AFF1: variants seen among roughly 807,000 people sequenced by gnomAD.
AFF1 encodes AF4/FMR2 family member 1.
Under a neutral mutation model 121.7 loss-of-function variants are expected in AFF1, and 48 were observed. The observed-to-expected ratio is 0.39, with a 90% CI of 0.31 to 0.50. The LOEUF is 0.50. Ranked by LOEUF, AFF1 falls within the 20% of genes least tolerant of loss-of-function variation. The pLI is 0.76. For missense variants in AFF1, 1,523 were observed against 1,511.7 expected, an observed-to-expected ratio of 1.01 and a Z score of -0.12; for synonymous variants, 613 against 563.0, an observed-to-expected ratio of 1.09 and a Z score of -1.26.
intron 12 of AFF1, among the ~76,000 whole-genome samples, chr4:87,120,255 T>C (rs1402594550): frequency 6.6e-6 from 1 of 152,206 alleles, no homozygotes; most frequent in African/African-American, 2.4e-5. Context: ...TTGGTGTCCC[T>C]TGTGTCTTTT....
chr4:86,940,855 A>AGGTG (rs1720405022), intron 1 of AFF1, among the ~76,000 whole-genome samples: 1 of 151,618 alleles, frequency 6.6e-6, no homozygotes, highest in Non-Finnish European at 1.5e-5. Flanking sequence ...TGGGAGGCTA[A>AGGTG]GGTGGGTGGA....
intron 4 of AFF1, among the ~76,000 whole-genome samples, chr4:87,061,965 G>A (rs1454793432): frequency 6.6e-6 from 1 of 152,144 alleles, no homozygotes; most frequent in African/African-American, 2.4e-5. Context: ...GTCTTTAAAT[G>A]TATGATTCAG....
At chr4:86,936,643 T>A (rs1720028016) in intron 1 of AFF1, among the ~76,000 whole-genome samples, 1 of 152,214 alleles carries the variant, frequency 6.6e-6, no homozygotes, top group African/African-American at 2.4e-5. Flanking sequence ...TTCCTCTGTC[T>A]AATGTATTTC....
chr4:87,074,610 A>G (rs1722467698), intron 4 of AFF1, among the ~76,000 whole-genome samples: 1 of 152,166 alleles, frequency 6.6e-6, no homozygotes, highest in Admixed American at 6.5e-5. Flanking sequence ...ATCCCAGCAC[A>G]CCCTACTTAT....
At chr4:87,124,910 G>A (rs895677018) in intron 12 of AFF1, 127 bp from the exon 13 acceptor site, 11 of 614,116 alleles carry the variant, frequency 1.8e-5, no homozygotes, top group African/African-American at 1.3e-4. Context: ...TACTAAGAAG[G>A]TTGCTGTGCG....
chr4:87,045,372 C>T (rs1730573346), intron 2 of AFF1, among the ~76,000 whole-genome samples: 1 of 151,430 alleles, frequency 6.6e-6, no homozygotes. Context: ...GACAATGAGG[C>T]AGGTCCACTT....
chr4:87,014,545 T>A (rs909544089), intron 2 of AFF1, among the ~76,000 whole-genome samples: 3 of 152,212 alleles, frequency 2.0e-5, no homozygotes, highest in African/African-American at 7.2e-5. Flanking sequence ...CAGGAAACAG[T>A]CTTTGGTATG....
rs540807610 is a variant in AFF1, at chr4:87,036,061, G to A, written c.39-10105G>A. On this transcript the variant is annotated intron_variant, in intron 2 of 20. Coordinates refer to ENST00000395146, the MANE Select transcript of AFF1 (RefSeq NM_001166693.3). ...AGAAGAGCAGGAGAAGAGCCAACAC[G>A]TATCCACATTTCTGATTGGTGCCAA... Among the ~76,000 whole-genome samples the A allele has an allele frequency of 1.1e-3, 162 of 152,228 alleles. 1 individual carries two copies. The highest frequency in any genetic ancestry group is 3.3e-3 in the African/African-American group (136 of 41,542).
Position 87,089,503 on chromosome 4 carries a change from G to A in AFF1, c.1105-481G>A, listed in dbSNP as rs552572833. 5.9e-5 allele frequency among the ~76,000 whole-genome samples: 9 copies of A among 152,284 alleles called. No homozygotes were observed. The East Asian group carries it at 1.5e-3, about 26-fold the overall frequency. Reference sequence around the variant, plus strand: ...CAAATCCATTAAAACTCTCCCAAGTGGAACAAGTGACCTGAATTACTTGTT... The same window carrying A: ...CAAATCCATTAAAACTCTCCCAAGTAGAACAAGTGACCTGAATTACTTGTT... On this transcript the variant is annotated intron_variant, in intron 5 of 20. Coordinates refer to ENST00000395146, the MANE Select transcript of AFF1 (RefSeq NM_001166693.3).
chr4:86,988,805 A>C (rs1040947633), intron 2 of AFF1, among the ~76,000 whole-genome samples: 5 of 152,220 alleles, frequency 3.3e-5, no homozygotes, highest in African/African-American at 1.2e-4. Context: ...AGGCTACGGT[A>C]ACCAAAACAG....
chr4:86,987,723 C>T (rs183714761), intron 2 of AFF1, among the ~76,000 whole-genome samples: 11 of 152,200 alleles, frequency 7.2e-5, no homozygotes, highest in South Asian at 2.1e-4. Context: ...GAGGCCGAGG[C>T]GGGTGGATTA....
intron 2 of AFF1, among the ~76,000 whole-genome samples, chr4:86,972,923 C>T (rs1329626463): frequency 6.6e-6 from 1 of 152,140 alleles, no homozygotes; most frequent in Non-Finnish European, 1.5e-5. Context: ...GCATTAGTAA[C>T]CCCCATTATA....
chr4:87,096,005 T>C (rs1354209542), intron 8 of AFF1, among the ~76,000 whole-genome samples: 1 of 152,178 alleles, frequency 6.6e-6, no homozygotes, highest in Admixed American at 6.5e-5. Context: ...CTATGGATTA[T>C]TTAAAAAACT....
At chr4:87,039,333 G>A (rs1367960937) in intron 2 of AFF1, among the ~76,000 whole-genome samples, 1 of 152,184 alleles carries the variant, frequency 6.6e-6, no homozygotes, top group Non-Finnish European at 1.5e-5. Flanking sequence ...TGCCCTGACA[G>A]GCCCCAGCAT....
At chr4:87,124,685 A>G (rs1333667817) in intron 12 of AFF1, among the ~76,000 whole-genome samples, 1 of 152,200 alleles carries the variant, frequency 6.6e-6, no homozygotes, top group Non-Finnish European at 1.5e-5. Flanking sequence ...GTAAATATGC[A>G]TGTTTTGTGG....
At chr4:86,985,013 CAAAT>C (rs977826949) in intron 2 of AFF1, among the ~76,000 whole-genome samples, 9 of 149,634 alleles carry the variant, frequency 6.0e-5, no homozygotes, top group African/African-American at 1.0e-4. Context: ...TGTTAAGAAA[CAAAT>C]AGAGAAAAGA....
At chr4:86,940,263 C>T (rs1720355138) in intron 1 of AFF1, among the ~76,000 whole-genome samples, 1 of 152,208 alleles carries the variant, frequency 6.6e-6, no homozygotes. Context: ...GACTTTATCA[C>T]TCATCAAGAT....
intron 2 of AFF1, among the ~76,000 whole-genome samples, chr4:86,995,370 T>C (rs1725060996): frequency 7.0e-6 from 1 of 143,546 alleles, no homozygotes; most frequent in Non-Finnish European, 1.5e-5. Context: ...GAGCCGAAGC[T>C]GGACGGTACT....
intron 2 of AFF1, among the ~76,000 whole-genome samples, chr4:86,968,105 G>T (rs1052429172): frequency 6.6e-6 from 1 of 152,134 alleles, no homozygotes; most frequent in Non-Finnish European, 1.5e-5. Context: ...GGGAGAAGAG[G>T]TTCAGAACAT....
Sources: allele counts gnomAD v4.1 joint callset (sites outside exome capture counted in the v4.1 genomes callset), GRCh38; gene constraint gnomAD v4.1.1; transcripts MANE v1.5; gene names NCBI Gene and HGNC (gene_info 2026-07-23, HGNC 2026-07-21).